CACNA1B: variants seen among roughly 807,000 people sequenced by gnomAD.
CACNA1B encodes the protein voltage-dependent N-type calcium channel subunit alpha-1B.
Under a neutral mutation model 247.2 loss-of-function variants are expected in CACNA1B, and 70 were observed. The observed-to-expected ratio is 0.28, with a 90% CI of 0.23 to 0.35. The LOEUF is 0.35. CACNA1B is among the 10% of genes least tolerant of loss of function. The probability of loss-of-function intolerance (pLI) is 1.00; values close to 1 mark genes in which losing one functional copy is unlikely to be tolerated. For missense variants in CACNA1B, 2,367 were observed against 3,197.4 expected (o/e 0.74, Z 6.26); for synonymous variants, 1,231 against 1,294.4 (o/e 0.95, Z 1.05).
In CACNA1B at chr9:137,968,941, C is replaced by A. The variant is rs150251993; in HGVS notation, c.1334-2442C>A. Among the ~76,000 whole-genome samples, 629 of 152,252 alleles carry A rather than the reference C, an allele frequency of 4.1e-3. 5 individuals carry two copies. The highest frequency in any genetic ancestry group is 0.014 in the African/African-American group (601 of 41,536). ...AAGAATATATGCTAATTAAGTGAAC[C>A]CTGGAAAATGCAGGAAGCTGAAAAG... On this transcript the variant is annotated intron_variant, in intron 10 of 46. Transcript: ENST00000371372.
chr9:138,049,408 G>C, intron 24 of CACNA1B, 93 bp downstream of exon 24: 5 of 815,336 alleles, frequency 6.1e-6, no homozygotes, highest in South Asian at 5.7e-5. Context: ...CCTCTTGTGG[G>C]CTTCCCTGGG....
At chr9:137,958,532 G>A (rs1957975217) in intron 10 of CACNA1B, among the ~76,000 whole-genome samples, 1 of 152,224 alleles carries the variant, frequency 6.6e-6, no homozygotes, top group African/African-American at 2.4e-5. Context: ...CTGATGTGGA[G>A]TCACTGGAGT....
chr9:137,929,789 G>GA (rs967709271), intron 6 of CACNA1B, among the ~76,000 whole-genome samples: 14 of 151,806 alleles, frequency 9.2e-5, no homozygotes, highest in Non-Finnish European at 1.8e-4. Flanking sequence ...GAGTAGCCAA[G>GA]ACCACAGGTG....
intron 36 of CACNA1B, among the ~76,000 whole-genome samples, chr9:138,093,916 C>T (rs564946101): frequency 6.6e-6 from 1 of 152,258 alleles, no homozygotes; most frequent in East Asian, 1.9e-4. Flanking sequence ...TAATTGTACT[C>T]TTGGTATAGA....
rs1298074557 is a variant in CACNA1B, at chr9:137,888,893, G to T, written c.530+6010G>T. ...CAGAGGGTCCCCATGGGCAAGGAGG[G>T]TCCACCCAGGGGAGCAGCAGCCCAT... is the stretch of plus-strand genomic sequence containing the variant. On this transcript the variant is annotated intron_variant, in intron 3 of 46. Coordinates refer to ENST00000371372, the MANE Select transcript of CACNA1B (RefSeq NM_000718.4). This position sits in a 1 kb window ranked among gnomAD's most constrained non-coding sequence, Gnocchi z 4.7. Among the ~76,000 whole-genome samples the T allele has an allele frequency of 1.3e-5, 2 of 151,988 alleles. No homozygotes were observed. Among genetic ancestry groups the T allele is most frequent in the African/African-American group, 4.8e-5 (2 of 41,464 alleles).
At position 137,942,795 on chromosome 9, in the gene CACNA1B, C is replaced by G. The variant is rs117348190; in HGVS notation, c.967-9479C>G. Among the ~76,000 whole-genome samples the G allele has an allele frequency of 3.0e-4, 46 of 152,276 alleles. No homozygotes were observed. In the East Asian group the frequency reaches 8.7e-3, roughly 29 times the overall value. ...AGGATGCAAAGGCATGAGAATGACA[C>G]AGTGGACTTTGGGGACTCAGGAAGA... On this transcript the variant is annotated intron_variant, in intron 6 of 46. Coordinates refer to ENST00000371372, the MANE Select transcript of CACNA1B (RefSeq NM_000718.4).
At chr9:137,960,406 GAGGGGGAGGGGAGGT>G (rs1958003814) in intron 10 of CACNA1B, among the ~76,000 whole-genome samples, 4 of 1,622 alleles carry the variant, frequency 2.5e-3, no homozygotes, top group African/African-American at 6.2e-3. Flanking sequence ...GACTGGGGGG[GAGGGGGAGGGGAGGT>G]CAGCCTGAGA....
intron 10 of CACNA1B, among the ~76,000 whole-genome samples, chr9:137,968,865 CT>C (rs1327311266): frequency 1.3e-5 from 2 of 152,222 alleles, no homozygotes; most frequent in African/African-American, 4.8e-5. Flanking sequence ...GAATTTCTCC[CT>C]AGCTTGAAGA....
At chr9:138,074,383 GAT>G (rs1960241077) in intron 34 of CACNA1B, among the ~76,000 whole-genome samples, 2 of 152,082 alleles carry the variant, frequency 1.3e-5, no homozygotes, top group Admixed American at 6.5e-5. Context: ...TGGGATTATA[GAT>G]GTGTGCCACC....
intron 3 of CACNA1B, among the ~76,000 whole-genome samples, chr9:137,909,737 A>G (rs2133272149): frequency 6.6e-6 from 1 of 151,734 alleles, no homozygotes; most frequent in East Asian, 1.9e-4. Flanking sequence ...GAATTGCTGG[A>G]TCTTATGTTA....
intron 20 of CACNA1B, among the ~76,000 whole-genome samples, chr9:138,036,247 C>T (rs1959043172): frequency 6.6e-6 from 1 of 152,174 alleles, no homozygotes; most frequent in Non-Finnish European, 1.5e-5. Flanking sequence ...TCATGCCATT[C>T]TCCTGCCTCA....
chr9:137,928,411 T>C (rs1957575324), intron 6 of CACNA1B, among the ~76,000 whole-genome samples: 1 of 152,202 alleles, frequency 6.6e-6, no homozygotes, highest in Non-Finnish European at 1.5e-5. Context: ...GATTTTCCTT[T>C]TTTTGTATTG....
In CACNA1B at chr9:138,087,384, CAAAAAAAAA is replaced by C. The variant is rs58566171; in HGVS notation, c.5095-9089_5095-9081del. On this transcript the variant is annotated intron_variant, in intron 36 of 46. Transcript: ENST00000371372. ...TGGGTGACAGAGTAAGACTCTGTCT[CAAAAAAAAA>C]AAAAAAAAAAGAAAAAGAAAAAAAA... Among the ~76,000 whole-genome samples, 8 of 52,674 alleles carry C rather than the reference CAAAAAAAAA, an allele frequency of 1.5e-4. 1 individual carries two copies. Among genetic ancestry groups the C allele is most frequent in the African/African-American group, 5.2e-4 (8 of 15,452 alleles). The allele number at this position is 52,674 out of a possible 152,430, so 34.6% of individuals were successfully genotyped here. A position where few individuals can be genotyped will look rare whatever the true frequency, so the allele number is the denominator to read the frequency against.
At chr9:138,070,140 A>C (rs1391582015) in intron 32 of CACNA1B, among the ~76,000 whole-genome samples, 1 of 152,178 alleles carries the variant, frequency 6.6e-6, no homozygotes, top group East Asian at 1.9e-4. Flanking sequence ...CTGCGAGTCC[A>C]TGGTTCCTGT....
intron 31 of CACNA1B, among the ~76,000 whole-genome samples, chr9:138,062,315 C>A (rs918073953): frequency 6.6e-6 from 1 of 152,196 alleles, no homozygotes; most frequent in Non-Finnish European, 1.5e-5. Flanking sequence ...TACCAAGCAA[C>A]CCATCCACAA....
chr9:138,048,600 G>A lies in CACNA1B; in HGVS notation c.3604-609G>A, dbSNP rs1032771418. Among the ~76,000 whole-genome samples, 6 of 152,318 alleles carry A rather than the reference G, an allele frequency of 3.9e-5. No homozygotes were observed. The East Asian group carries it at 1.2e-3, about 29-fold the overall frequency. ...TCTCTAAGGTGCACTGATGTCACAG[G>A]TGTGCACATAACGTGTGCACTCAGC... On this transcript the variant is annotated intron_variant, in intron 23 of 46. Transcript: ENST00000371372.
chr9:137,914,561 T>G lies in CACNA1B; in HGVS notation c.623-93T>G, dbSNP rs1160306022. 2 of 1,048,320 alleles carry G rather than the reference T, an allele frequency of 1.9e-6. No individual in the cohort carries two copies. The highest frequency in any genetic ancestry group is 2.9e-6 in the Non-Finnish European group (2 of 701,532). The allele number at this position is 1,048,320 out of a possible 1,614,324, so 64.9% of individuals were successfully genotyped here. On this transcript the variant is annotated intron_variant, in intron 4 of 46. Coordinates refer to ENST00000371372, the MANE Select transcript of CACNA1B (RefSeq NM_000718.4). This position sits in a 1 kb window ranked among gnomAD's most constrained non-coding sequence, Gnocchi z 4.3. ...TCACTGCTTAGCACCTTGCTGTCCC[T>G]GCTAGGTTCCTGCTGTTCTGTCCCT...
intron 20 of CACNA1B, among the ~76,000 whole-genome samples, chr9:138,028,121 C>G (rs372911909): frequency 1.7e-4 from 23 of 139,230 alleles, no homozygotes; most frequent in African/African-American, 4.9e-4. Flanking sequence ...CTCCCAGGTT[C>G]AAGCAATTCT....
intron 36 of CACNA1B, among the ~76,000 whole-genome samples, chr9:138,079,868 CTG>C (rs1960464556): frequency 7.4e-6 from 1 of 134,364 alleles, no homozygotes; most frequent in Non-Finnish European, 1.5e-5. Flanking sequence ...GAGCAAGACT[CTG>C]TCTCAAAAAA....
Sources: allele counts gnomAD v4.1 joint callset (sites outside exome capture counted in the v4.1 genomes callset), GRCh38; gene constraint gnomAD v4.1.1; non-coding constraint Gnocchi (gnomAD v3.1); transcripts MANE v1.5; gene names NCBI Gene and HGNC (gene_info 2026-07-23, HGNC 2026-07-21).